Variants in ITGAM observed in about 807,000 individuals in gnomAD.
ITGAM encodes integrin subunit alpha M, also known as integrin alpha-M.
In ITGAM, 79 loss-of-function variants were observed where a neutral mutation model predicts 137.5. The ratio of observed to expected loss-of-function variants is 0.57; its 90% confidence interval spans 0.48 to 0.69. ITGAM has a LOEUF of 0.69. Among genes scored for constraint, ITGAM ranks in the 30% least tolerant of loss-of-function variants. The pLI, the probability that ITGAM is intolerant of heterozygous loss-of-function variation, is 0.00. For missense variants in ITGAM, 1,343 were observed against 1,483.5 expected, an observed-to-expected ratio of 0.91 and a Z score of 1.56; for synonymous variants, 583 against 592.3, an observed-to-expected ratio of 0.98 and a Z score of 0.23.
At chr16:31,285,189 T>C (rs2080015644) in intron 12 of ITGAM, among the ~76,000 whole-genome samples, 1 of 152,154 alleles carries the variant, frequency 6.6e-6, no homozygotes, top group Non-Finnish European at 1.5e-5. Flanking sequence ...ATTTTCACAA[T>C]GCTTTTCCAT....
chr16:31,318,192 G>A (rs1191306277), intron 14 of ITGAM, among the ~76,000 whole-genome samples: 2 of 152,098 alleles, frequency 1.3e-5, no homozygotes, highest in African/African-American at 4.8e-5. Context: ...AGGTTATCAA[G>A]TTTGTTAACA....
chr16:31,325,677 T>C, intron 21 of ITGAM, 55 bp downstream of exon 21: 2 of 1,577,480 alleles, frequency 1.3e-6, no homozygotes, highest in Non-Finnish European at 1.7e-6. Flanking sequence ...TGGGGATTCT[T>C]TTCTTCTTCT....
At position 31,287,529 on chromosome 16, in the gene ITGAM, G is replaced by A. The variant is rs187424165; in HGVS notation, c.1356+9420G>A. 3.0e-4 allele frequency among the ~76,000 whole-genome samples: 45 copies of A among 152,062 alleles called. No individual in the cohort carries two copies. In the East Asian group the frequency reaches 7.7e-3, roughly 26 times the overall value. On this transcript the variant is annotated intron_variant, in intron 12 of 29. Transcript: ENST00000544665. The stretch of plus-strand genomic sequence containing the variant: ...GAATACTTTTCCGCTTATTTGTGTC[G>A]TCTCTGATTTCTTTCAACAGTGTAT...
chr16:31,270,742 T>TA lies in ITGAM; in HGVS notation c.428-211dup, dbSNP rs1555464844. Reference sequence around the variant, plus strand: ...ATATATATATATATATATATATATATATGTTTTTAACGTGTGTATACATAT... The same window carrying TA: ...ATATATATATATATATATATATATATAATGTTTTTAACGTGTGTATACATAT... On this transcript the variant is annotated intron_variant, in intron 5 of 29. Coordinates refer to ENST00000544665, the MANE Select transcript of ITGAM (RefSeq NM_000632.4). Among the ~76,000 whole-genome samples, 232 of 109,880 alleles carry TA rather than the reference T, an allele frequency of 2.1e-3. 8 individuals are homozygous for TA. The highest frequency in any genetic ancestry group is 8.9e-3 in the African/African-American group (224 of 25,226). The allele number at this position is 109,880 out of a possible 152,430, so 72.1% of individuals were successfully genotyped here. A position where few individuals can be genotyped will look rare whatever the true frequency, so the allele number is the denominator to read the frequency against.
chr16:31,322,761 CA>C (rs1468463678), intron 16 of ITGAM, among the ~76,000 whole-genome samples: 1 of 152,102 alleles, frequency 6.6e-6, no homozygotes, highest in Non-Finnish European at 1.5e-5. Context: ...ATGAGAACTT[CA>C]GCAAAAACCT....
intron 12 of ITGAM, among the ~76,000 whole-genome samples, chr16:31,285,641 A>T (rs1000315956): frequency 1.3e-5 from 2 of 150,276 alleles, no homozygotes; most frequent in African/African-American, 4.9e-5. Flanking sequence ...CATCTCAATT[A>T]AAAAAAAAAT....
At chr16:31,270,132 CCTTTG>C (rs2079813859) in intron 5 of ITGAM, among the ~76,000 whole-genome samples, 2 of 118,444 alleles carry the variant, frequency 1.7e-5, no homozygotes, top group African/African-American at 3.3e-5. Flanking sequence ...CTTCCTTCCT[CCTTTG>C]CTTTCCTTTC....
chr16:31,268,898 G>A (rs1001238432), intron 5 of ITGAM, among the ~76,000 whole-genome samples: 5 of 152,168 alleles, frequency 3.3e-5, no homozygotes, highest in Admixed American at 3.3e-4. Flanking sequence ...TAATGTAACT[G>A]CCCAAGGGGT....
In ITGAM at chr16:31,330,564, T is replaced by G. The variant is rs757143987; in HGVS notation, c.3235T>G (p.Phe1079Val). 1 of 1,613,206 alleles carries G rather than the reference T, an allele frequency of 6.2e-7. No homozygotes were observed. Among genetic ancestry groups the G allele is most frequent in the Non-Finnish European group, 8.5e-7 (1 of 1,179,402 alleles). The change falls in exon 28 of 30, where the codon TTC (phenylalanine) becomes GTC (valine). Residue 1079 changes from phenylalanine (F) to valine (V), a missense_variant. Phe to Val is a conservative substitution (Grantham distance 50). Coordinates refer to ENST00000544665, the MANE Select transcript of ITGAM (RefSeq NM_000632.4). ...TAEILFNDSV[F>V]TLLPGQGAFV... The stretch of plus-strand genomic sequence containing the variant: ...TGAGATCTTGTTTAACGATTCCGTG[T>G]TCACCCTGCTGCCGGGACAGGGGGC...
In ITGAM at chr16:31,330,373, A is replaced by T. The variant is rs1438540582; in HGVS notation, c.3126A>T (p.Glu1042Asp). 1 of 1,614,018 alleles carries T rather than the reference A, an allele frequency of 6.2e-7. No homozygotes were observed. Among genetic ancestry groups the T allele is most frequent in the South Asian group, 1.1e-5 (1 of 91,088 alleles). Residue 1042 changes from glutamate to aspartate, a missense_variant, in exon 27 of 30, where the codon GAA becomes GAT. Transcript: ENST00000544665. ...TCCCGTTCTTTGGCATCCAGGAAGA[A>T]TTCAATGCTACCCTCAAAGGCAACC... ...CDIPFFGIQE[E>D]FNATLKGNLS...
At chr16:31,330,053 C>T (rs1316262246) in intron 25 of ITGAM, 28 bp from the exon 26 acceptor site, 3 of 1,607,288 alleles carry the variant, frequency 1.9e-6, no homozygotes, top group East Asian at 2.2e-5. Context: ...TTCATCTCTG[C>T]CCCTTCTCAG....
At chr16:31,299,381 C>G (rs947143656) in intron 14 of ITGAM, among the ~76,000 whole-genome samples, 1 of 152,114 alleles carries the variant, frequency 6.6e-6, no homozygotes, top group Non-Finnish European at 1.5e-5. Flanking sequence ...ACAATCTCGG[C>G]TCACTGCAAC....
chr16:31,271,923 G>C lies in ITGAM; in HGVS notation c.635G>C (p.Arg212Thr), dbSNP rs1294635538. 5 of 1,613,892 alleles carry C rather than the reference G, an allele frequency of 3.1e-6. No individual in the cohort carries two copies. In the African/African-American group the frequency reaches 6.7e-5, roughly 22 times the overall value. Reference protein sequence around the residue: ...FKEFQNNPNPRSLVKPITQLL... With the variant: ...FKEFQNNPNPTSLVKPITQLL... ...GAGTTCCAGAACAACCCTAACCCAA[G>C]ATCACTGGTGAAGCCAATAACGCAG... The change falls in exon 7 of 30, where the codon AGA becomes ACA. Residue 212 changes from arginine to threonine, a missense_variant. Coordinates refer to ENST00000544665, the MANE Select transcript of ITGAM (RefSeq NM_000632.4).
intron 14 of ITGAM, among the ~76,000 whole-genome samples, chr16:31,314,608 T>C (rs1203777826): frequency 6.6e-6 from 1 of 152,068 alleles, no homozygotes; most frequent in Non-Finnish European, 1.5e-5. Context: ...TTGGTATCAG[T>C]ACCATGCTGT....
At chr16:31,277,884 C>A in intron 11 of ITGAM, 83 bp from the exon 12 acceptor site, 1 of 1,421,700 alleles carries the variant, frequency 7.0e-7, no homozygotes, top group South Asian at 1.4e-5. Flanking sequence ...GGGGCTGCCC[C>A]AGTGCCCCTA....
chr16:31,279,740 T>A (rs2079947711), intron 12 of ITGAM, among the ~76,000 whole-genome samples: 1 of 152,218 alleles, frequency 6.6e-6, no homozygotes, highest in Non-Finnish European at 1.5e-5. Flanking sequence ...CTCTTTAGTT[T>A]AATTAGATCC....
intron 14 of ITGAM, among the ~76,000 whole-genome samples, chr16:31,303,679 C>T (rs146612699): frequency 1.1e-4 from 17 of 152,154 alleles, no homozygotes; most frequent in South Asian, 2.1e-4. Flanking sequence ...GTTTAGCTCC[C>T]ACTTATAAAT....
chr16:31,277,911 G>T (rs571233362), intron 11 of ITGAM, 56 bp from the exon 12 acceptor site: 5 of 1,532,246 alleles, frequency 3.3e-6, no homozygotes, highest in African/African-American at 1.4e-5. Context: ...GGGTGGGTCT[G>T]CATGGTGGAG....
chr16:31,311,442 AAAAC>A (rs1438705496), intron 14 of ITGAM, among the ~76,000 whole-genome samples: 1 of 152,214 alleles, frequency 6.6e-6, no homozygotes, highest in Non-Finnish European at 1.5e-5. Flanking sequence ...TTACAAGAAA[AAAAC>A]AAACAACCCC....
Sources: gnomAD v4.1 joint callset for allele counts (sites outside exome capture counted in the v4.1 genomes callset) on GRCh38, gnomAD v4.1.1 for gene constraint, MANE v1.5 for transcripts, NCBI Gene and HGNC (gene_info 2026-07-23, HGNC 2026-07-21) for gene names.